FOXP1: variants seen among roughly 807,000 people sequenced by gnomAD.
FOXP1 encodes the protein forkhead box protein P1.
Under a neutral mutation model 98.2 loss-of-function variants are expected in FOXP1, and 15 were observed. The ratio of observed to expected loss-of-function variants is 0.15; its 90% confidence interval spans 0.10 to 0.24. The LOEUF (loss-of-function observed/expected upper bound fraction) is 0.24. Ranked by LOEUF, FOXP1 falls within the 10% of genes least tolerant of loss-of-function variation. The pLI is 1.00. For synonymous variants in FOXP1, 371 were observed against 314.5 expected (o/e 1.18, Z -1.90); for missense variants, 633 against 848.5 (o/e 0.75, Z 3.15).
rs13321836 is a variant in FOXP1 at position 71,402,370 on chromosome 3, G to A, written c.-167-43126C>T. ...CTTGGGGGGCTGAAGTGGGAGGATC[G>A]CTTGAGCCTGGAAGGTTGAGACTGC... On this transcript the variant is annotated intron_variant, in intron 3 of 20. Transcript: ENST00000649528. Among the ~76,000 whole-genome samples the A allele has an allele frequency of 4.0e-3, 605 of 152,220 alleles. 7 individuals are homozygous for A. Among genetic ancestry groups the A allele is most frequent in the African/African-American group, 0.013 (555 of 41,534 alleles).
chr3:71,407,661 C>CGTGT (rs112188528), intron 3 of FOXP1, among the ~76,000 whole-genome samples: 3 of 149,922 alleles, frequency 2.0e-5, no homozygotes, highest in Admixed American at 6.7e-5. Context: ...AAGAACTGTG[C>CGTGT]GTGTGTGTGT....
intron 14 of FOXP1, among the ~76,000 whole-genome samples, chr3:70,986,992 A>G (rs1319604647): frequency 6.6e-6 from 1 of 152,224 alleles, no homozygotes; most frequent in East Asian, 1.9e-4. Flanking sequence ...AAAATCAGTC[A>G]AAACAGATAA....
At chr3:71,479,411 G>GGACACAT (rs2090099367) in intron 3 of FOXP1, among the ~76,000 whole-genome samples, 1 of 152,140 alleles carries the variant, frequency 6.6e-6, no homozygotes, top group South Asian at 2.1e-4. Context: ...ATCTAAATGT[G>GGACACAT]GACACATCAA....
At chr3:71,411,713 CAGTT>C (rs1268075433) in intron 3 of FOXP1, among the ~76,000 whole-genome samples, 2 of 152,214 alleles carry the variant, frequency 1.3e-5, no homozygotes, top group African/African-American at 2.4e-5. Context: ...AGAGCGGTCT[CAGTT>C]AGTCTGCTCC....
chr3:71,074,638 G>C (rs182111850), intron 7 of FOXP1, among the ~76,000 whole-genome samples: 1 of 152,146 alleles, frequency 6.6e-6, no homozygotes, highest in African/African-American at 2.4e-5. Context: ...ACTAGGCTTG[G>C]GGGTAAAACT....
At chr3:71,213,740 C>T (rs1429839968) in intron 5 of FOXP1, among the ~76,000 whole-genome samples, 2 of 152,088 alleles carry the variant, frequency 1.3e-5, no homozygotes, top group African/African-American at 4.8e-5. Flanking sequence ...CGCTTGAACC[C>T]GGGAAGTGGA....
At chr3:70,965,753 C>T in intron 20 of FOXP1, 137 bp downstream of exon 20, 1 of 913,528 alleles carries the variant, frequency 1.1e-6, no homozygotes, top group Admixed American at 1.8e-5. Context: ...TCTTGAAGTA[C>T]AAACTTCTAG....
chr3:71,227,999 T>C (rs1260779668), intron 5 of FOXP1, among the ~76,000 whole-genome samples: 1 of 112,420 alleles, frequency 8.9e-6, no homozygotes, highest in African/African-American at 3.5e-5. Context: ...TGGAATCAAA[T>C]CAATATCATG....
chr3:71,389,553 C>T (rs1317358641), intron 3 of FOXP1, among the ~76,000 whole-genome samples: 1 of 152,062 alleles, frequency 6.6e-6, no homozygotes, highest in African/African-American at 2.4e-5. Flanking sequence ...GAACAAACTC[C>T]TACTTGCTCC....
At chr3:71,380,309 A>G (rs934509567) in intron 3 of FOXP1, among the ~76,000 whole-genome samples, 2 of 152,196 alleles carry the variant, frequency 1.3e-5, no homozygotes, top group Non-Finnish European at 2.9e-5. Flanking sequence ...CTAATTTTAC[A>G]TCCACAATAC....
intron 5 of FOXP1, chr3:71,289,720 C>T (rs888675547): frequency 6.6e-6 from 1 of 152,040 alleles, no homozygotes; most frequent in Non-Finnish European, 1.5e-5. Context: ...AACTGTGGCT[C>T]ACTGTGGCCC....
chr3:71,151,479 T>C (rs549820956), intron 6 of FOXP1, among the ~76,000 whole-genome samples: 29 of 152,254 alleles, frequency 1.9e-4, no homozygotes, highest in Non-Finnish European at 3.2e-4. Flanking sequence ...CCACTAAATG[T>C]GTCCCTTCCT....
intron 4 of FOXP1, among the ~76,000 whole-genome samples, chr3:71,344,202 C>T (rs1487847219): frequency 3.3e-5 from 5 of 152,108 alleles, no homozygotes; most frequent in Admixed American, 1.3e-4. Flanking sequence ...TTTAGGGATA[C>T]GAGTATTTAA....
At chr3:71,430,639 T>A (rs1161111397) in intron 3 of FOXP1, among the ~76,000 whole-genome samples, 1 of 152,232 alleles carries the variant, frequency 6.6e-6, no homozygotes, top group Non-Finnish European at 1.5e-5. Context: ...CATTGAATTT[T>A]AAATTTTCAA....
chr3:71,096,503 C>A (rs933116300), intron 7 of FOXP1, among the ~76,000 whole-genome samples: 4 of 152,074 alleles, frequency 2.6e-5, no homozygotes, highest in African/African-American at 9.7e-5. Context: ...CTGAGACTTA[C>A]AAATGTAAGT....
chr3:71,271,253 C>A (rs891049991), intron 5 of FOXP1, among the ~76,000 whole-genome samples: 4 of 152,074 alleles, frequency 2.6e-5, no homozygotes, highest in Non-Finnish European at 5.9e-5. Flanking sequence ...TACTTCCTTC[C>A]AACAGAAACA....
chr3:71,443,819 A>G (rs1366419683), intron 3 of FOXP1, among the ~76,000 whole-genome samples: 3 of 152,240 alleles, frequency 2.0e-5, no homozygotes, highest in Non-Finnish European at 4.4e-5. Context: ...AGAAAATTCT[A>G]TAGTATTGTA....
Position 71,013,599 on chromosome 3 carries a change from C to G in FOXP1, c.974+1950G>C, listed in dbSNP as rs567407280. Among the ~76,000 whole-genome samples, 7 of 152,238 alleles carry G rather than the reference C, an allele frequency of 4.6e-5. No homozygotes were observed. The South Asian group carries it at 1.5e-3, about 32-fold the overall frequency. On this transcript the variant is annotated intron_variant, in intron 12 of 20. Coordinates refer to ENST00000649528, the MANE Select transcript of FOXP1 (RefSeq NM_001349338.3). ...CCAAGGTAATTTATAGATTCAATGC[C>G]ATCGCCATCAAGCTACCAATGACTT...
intron 7 of FOXP1, among the ~76,000 whole-genome samples, chr3:71,070,071 G>C (rs1033354473): frequency 6.6e-6 from 1 of 152,148 alleles, no homozygotes; most frequent in African/African-American, 2.4e-5. Flanking sequence ...CCAGGATTAG[G>C]AAATTTTGAC....
Sources: gnomAD v4.1 joint callset for allele counts (sites outside exome capture counted in the v4.1 genomes callset) on GRCh38, gnomAD v4.1.1 for gene constraint, MANE v1.5 for transcripts, NCBI Gene and HGNC (gene_info 2026-07-23, HGNC 2026-07-21) for gene names.